Variants in RPS26 observed in about 807,000 individuals in gnomAD.
RPS26 encodes ribosomal protein S26, also known as small ribosomal subunit protein eS26.
RPS26 carries 1 observed loss-of-function variant against 14.7 expected under a neutral mutation model. The ratio of observed to expected loss-of-function variants is 0.07; its 90% CI spans 0.02 to 0.32. RPS26 has a LOEUF of 0.32. RPS26 is among the 10% of genes least tolerant of loss of function. The probability of loss-of-function intolerance (pLI) is 1.00; values close to 1 mark genes in which losing one functional copy is unlikely to be tolerated. For missense variants in RPS26, 63 were observed against 157.7 expected, an observed-to-expected ratio of 0.40 and a Z score of 3.22; for synonymous variants, 59 against 53.1, an observed-to-expected ratio of 1.11 and a Z score of -0.48.
In RPS26 at chr12:56,042,164, A is replaced by C. The variant is rs181174349; in HGVS notation, c.-3A>C. The C allele has an allele frequency of 1.9e-6, 3 of 1,614,080 alleles. No homozygotes were observed. Reference sequence around the variant, plus strand: ...TCTCCTCTCTCCGGTCCGTGCCTCCAAGATGGTGAGTCTTCTTGCGTGGTG... The same window carrying C: ...TCTCCTCTCTCCGGTCCGTGCCTCCCAGATGGTGAGTCTTCTTGCGTGGTG... On this transcript the variant is annotated 5_prime_UTR_variant, in exon 1 of 4. Transcript: ENST00000646449.
rs776240183 is a variant in RPS26 at position 56,043,388 on chromosome 12, G to A, written c.207G>A (p.Val69=). Residue 69 remains valine, a synonymous_variant, in exon 3 of 4, where the codon GTG becomes GTA. Transcript: ENST00000646449. ...FDAYVLPKLY[V]KLHYCVSCAI... ...CCTATGTGCTTCCCAAGCTGTATGT[G>A]AAGCTACATTACTGTGTGAGTTGTG... is the stretch of plus-strand genomic sequence containing the variant. 1 of 1,611,820 alleles carries A rather than the reference G, an allele frequency of 6.2e-7. No homozygotes were observed. The highest frequency in any genetic ancestry group is 8.5e-7 in the Non-Finnish European group (1 of 1,179,394).
Position 56,043,902 on chromosome 12 carries a change from C to T in RPS26, c.313-217C>T, listed in dbSNP as rs77035778. 6.8e-3 allele frequency among the ~76,000 whole-genome samples: 1,039 copies of T among 151,998 alleles called. 3 individuals carry two copies. Among genetic ancestry groups the T allele is most frequent in the Middle Eastern group, 0.017 (5 of 294 alleles). ...GTTAAGCTGTAAGGCAGGTGAGACC[C>T]ACACCTGAACATGCTTAGAGACACT... On this transcript the variant is annotated intron_variant, in intron 3 of 3. Transcript: ENST00000646449.
intron 2 of RPS26, 114 bp downstream of exon 2, chr12:56,042,716 A>G: frequency 1.2e-6 from 1 of 869,550 alleles, no homozygotes; most frequent in Non-Finnish European, 1.9e-6. Context: ...ATTTCCACGT[A>G]TTTAAGGTTG....
rs200831849 is a variant in RPS26 at position 56,042,140 on chromosome 12, C to A, written c.-27C>A. 7.4e-6 allele frequency: 12 copies of A among 1,613,848 alleles called. No individual in the cohort carries two copies. Among genetic ancestry groups the A allele is most frequent in the Non-Finnish European group, 1.0e-5 (12 of 1,179,860 alleles). ...ATAGGAGGGCCCTGCCAGGCACCGT[C>A]TCCTCTCTCCGGTCCGTGCCTCCAA... On this transcript the variant is annotated 5_prime_UTR_variant, in exon 1 of 4. Transcript: ENST00000646449.
At chr12:56,042,800 T>C in intron 2 of RPS26, 198 bp downstream of exon 2, 1 of 647,468 alleles carries the variant, frequency 1.5e-6, no homozygotes, top group Non-Finnish European at 2.8e-6. Flanking sequence ...TGTGATAGAG[T>C]GCACAGCCTT....
chr12:56,042,351 G>A, intron 1 of RPS26, 74 bp from the exon 2 acceptor site: 2 of 1,563,778 alleles, frequency 1.3e-6, no homozygotes. Context: ...CTGCCGGTGC[G>A]GCTTGTGGCC....
Position 56,044,122 on chromosome 12 carries a change from G to A in RPS26, c.316G>A (p.Ala106Thr), listed in dbSNP as rs759607404. ...CTTTTGTTTCTTTGTCTTTCAGGGT[G>A]CTGCCCCACGTCCCCCACCAAAGCC... ...TPPPRFRPAG[A>T]APRPPPKPM is the part of the protein sequence containing the mutation. Residue 106 changes from alanine (A) to threonine (T), a missense_variant, in exon 4 of 4, where the codon GCT becomes ACT. Coordinates refer to ENST00000646449, the MANE Select transcript of RPS26 (RefSeq NM_001029.5). 13 of 1,613,304 alleles carry A rather than the reference G, an allele frequency of 8.1e-6. No homozygotes were observed. The highest frequency in any genetic ancestry group is 1.3e-5 in the African/African-American group (1 of 74,946).
chr12:56,044,094 A>C, intron 3 of RPS26, 25 bp from the exon 4 acceptor site: 1 of 1,609,170 alleles, frequency 6.2e-7, no homozygotes, highest in South Asian at 1.1e-5. Flanking sequence ...GTTTTAATTT[A>C]CTCTTTTGTT....
In RPS26 at chr12:56,044,146, C is replaced by G; in HGVS notation, c.340C>G (p.Pro114Ala). 1 of 1,612,232 alleles carries G rather than the reference C, an allele frequency of 6.2e-7. No homozygotes were observed. The highest frequency in any genetic ancestry group is 1.1e-5 in the South Asian group (1 of 91,046). The change falls in exon 4 of 4, where the codon CCC (proline) becomes GCC (alanine). Residue 114 changes from proline to alanine, a missense_variant. Physicochemically the swap from Pro to Ala is conservative, Grantham distance 27. Transcript: ENST00000646449. Reference protein sequence around the residue: ...AGAAPRPPPKPM With the variant: ...AGAAPRPPPKAM ...TGCTGCCCCACGTCCCCCACCAAAG[C>G]CCATGTAAGGAGCTGAGTTCTTAAA...
chr12:56,043,275 C>T (rs1283446627), intron 2 of RPS26, 88 bp from the exon 3 acceptor site: 47 of 1,289,032 alleles, frequency 3.6e-5, no homozygotes, highest in South Asian at 2.3e-4. Context: ...TTTTAATTGA[C>T]GTAAACATGT....
chr12:56,042,411 C>T lies in RPS26; in HGVS notation c.4-14C>T. On this transcript the variant is annotated splice_polypyrimidine_tract_variant and intron_variant, in intron 1 of 3. Coordinates refer to ENST00000646449, the MANE Select transcript of RPS26 (RefSeq NM_001029.5). ...TTGCGCCGTTTTCCTAACAGTTTTC[C>T]CATCCTGTCGCAGACAAAGAAAAGA... The T allele has an allele frequency of 1.9e-6, 3 of 1,613,784 alleles. No homozygotes were observed. Among genetic ancestry groups the T allele is most frequent in the South Asian group, 1.1e-5 (1 of 91,074 alleles).
intron 2 of RPS26, 174 bp downstream of exon 2, chr12:56,042,776 G>A: frequency 1.4e-6 from 1 of 690,906 alleles, no homozygotes; most frequent in South Asian, 1.6e-5. Flanking sequence ...TCTTTTCTGG[G>A]CAGAGGGTGA....
At chr12:56,043,592 G>T (rs1446216330) in intron 3 of RPS26, 99 bp downstream of exon 3, 14 of 1,223,146 alleles carry the variant, frequency 1.1e-5, no homozygotes, top group Non-Finnish European at 1.7e-5. Flanking sequence ...CAACACTTTG[G>T]GAGGCTGGGA....
Position 56,044,122 on chromosome 12 carries a change from G to T in RPS26, c.316G>T (p.Ala106Ser), listed in dbSNP as rs759607404. Residue 106 changes from alanine to serine, a missense_variant, in exon 4 of 4, where the codon GCT (alanine) becomes TCT (serine). Transcript: ENST00000646449. ...CTTTTGTTTCTTTGTCTTTCAGGGTGCTGCCCCACGTCCCCCACCAAAGCC... is the reference window on the plus strand; with the variant it reads ...CTTTTGTTTCTTTGTCTTTCAGGGTTCTGCCCCACGTCCCCCACCAAAGCC... ...TPPPRFRPAG[A>S]APRPPPKPM 3.1e-6 allele frequency: 5 copies of T among 1,613,186 alleles called. No homozygotes were observed. In the African/African-American group the frequency reaches 5.3e-5, roughly 17 times the overall value.
intron 2 of RPS26, chr12:56,042,872 A>G (rs987214736): frequency 1.7e-4 from 91 of 547,358 alleles, no homozygotes; most frequent in Non-Finnish European, 2.6e-4. Context: ...AAACTTGGTA[A>G]ATTTGACAAT....
At position 56,042,514 on chromosome 12, in the gene RPS26, C is replaced by T. The variant is rs760255764; in HGVS notation, c.93C>T (p.Pro31=). ...GCACTAACTGTGCCCGATGCGTGCC[C>T]AAGGACAAGGCCATTAAGAAATTCG... The part of the protein sequence containing the change: ...IRCTNCARCV[P]KDKAIKKFVI... Residue 31 remains proline (P), a synonymous_variant, in exon 2 of 4, where the codon CCC becomes CCT. Transcript: ENST00000646449. 1.2e-6 allele frequency: 2 copies of T among 1,602,806 alleles called. No homozygotes were observed. Among genetic ancestry groups the T allele is most frequent in the African/African-American group, 2.7e-5 (2 of 74,838 alleles).
chr12:56,042,259 G>A, intron 1 of RPS26, 90 bp downstream of exon 1: 1 of 1,558,108 alleles, frequency 6.4e-7, no homozygotes, highest in South Asian at 1.1e-5. Context: ...CTGAGGGGTG[G>A]ACCGAGTGTA....
chr12:56,042,190 A>C, intron 1 of RPS26, 21 bp downstream of exon 1: 1 of 1,613,548 alleles, frequency 6.2e-7, no homozygotes, highest in Non-Finnish European at 8.5e-7. Context: ...TTGCGTGGTG[A>C]GGGTGGGGGT....
intron 2 of RPS26, 168 bp downstream of exon 2, chr12:56,042,770 T>A: frequency 1.4e-6 from 1 of 700,018 alleles, no homozygotes; most frequent in South Asian, 1.5e-5. Context: ...TTTGATTCTT[T>A]TCTGGGCAGA....
Sources: gnomAD v4.1 joint callset for allele counts (sites outside exome capture counted in the v4.1 genomes callset) on GRCh38, gnomAD v4.1.1 for gene constraint, MANE v1.5 for transcripts, NCBI Gene and HGNC (gene_info 2026-07-23, HGNC 2026-07-21) for gene names.